The following GPR143 variants were observed in gnomAD, a reference collection of about 807,000 sequenced individuals.
GPR143 encodes G protein-coupled receptor 143.
Under a neutral mutation model 27.6 loss-of-function variants are expected in GPR143, and 8 were observed. That is an observed-to-expected ratio of 0.29 (90% confidence interval 0.17 to 0.52). The LOEUF (loss-of-function observed/expected upper bound fraction) is 0.52, where lower values mean the gene tolerates loss of function less well. GPR143 is among the 20% of genes least tolerant of loss of function. GPR143 has a pLI of 0.96. For missense variants in GPR143, 303 were observed against 343.1 expected (o/e 0.88, Z 0.92); for synonymous variants, 156 against 153.2 (o/e 1.02, Z -0.13).
chrX:9,769,635 G>A (rs759957374), upstream of GPR143, among the ~76,000 whole-genome samples: 4 of 111,803 alleles, frequency 3.6e-5, no homozygotes, highest in East Asian at 1.1e-3. Flanking sequence ...AGGCTGGAGT[G>A]CAGTGGTGCG....
intron 1 of GPR143, among the ~76,000 whole-genome samples, chrX:9,764,248 G>A (rs1185151868): frequency 1.8e-5 from 2 of 111,230 alleles, no homozygotes; most frequent in East Asian, 5.6e-4. Flanking sequence ...CTGTGATTGT[G>A]ACACTGCACT....
At chrX:9,734,871 G>A (rs961366192) in intron 8 of GPR143, among the ~76,000 whole-genome samples, 1 of 112,151 alleles carries the variant, frequency 8.9e-6, no homozygotes, top group Non-Finnish European at 1.9e-5. Flanking sequence ...AGGGAAACCG[G>A]GAGGTACCAA....
chrX:9,758,421 C>T (rs1014601471), intron 3 of GPR143, among the ~76,000 whole-genome samples: 1 of 111,413 alleles, frequency 9.0e-6, no homozygotes, highest in African/African-American at 3.3e-5. Flanking sequence ...TTAAACAACT[C>T]GCCAACAGTT....
upstream of GPR143, among the ~76,000 whole-genome samples, chrX:9,767,389 T>C (rs747365896): frequency 1.3e-4 from 14 of 110,261 alleles, no homozygotes; most frequent in Non-Finnish European, 2.3e-4. Context: ...GCAACCAAGG[T>C]GCAGGTGTCC....
At position 9,748,627 on chromosome X, in the gene GPR143, G is replaced by A; in HGVS notation, c.495C>T (p.Ala165=). Residue 165 remains alanine, a synonymous_variant, in exon 4 of 9, where the codon GCC becomes GCT. Coordinates refer to ENST00000467482, the MANE Select transcript of GPR143 (RefSeq NM_000273.3). Reference sequence around the variant, plus strand: ...CGGCTCCCTCCACACAGAGCAGGGTGGCCAGGCCCCACGCCATGATGTGAT... The same window carrying A: ...CGGCTCCCTCCACACAGAGCAGGGTAGCCAGGCCCCACGCCATGATGTGAT... ...LLYHIMAWGL[A]TLLCVEGAAM... is the part of the protein sequence containing the mutation. 3.3e-6 allele frequency: 4 copies of A among 1,208,891 alleles called. No homozygotes were observed. The highest frequency in any genetic ancestry group is 4.5e-6 in the Non-Finnish European group (4 of 892,679).
In GPR143 at chrX:9,763,090, CT is replaced by C. The variant is rs199987572; in HGVS notation, c.251-2265del. 7.6e-3 allele frequency among the ~76,000 whole-genome samples: 825 copies of C among 108,098 alleles called. 14 individuals are homozygous for C. The highest frequency in any genetic ancestry group is 0.026 in the African/African-American group (773 of 29,642). The allele number at this position is 108,098 out of a possible 115,157, so 93.9% of individuals were successfully genotyped here. A position where few individuals can be genotyped will look rare whatever the true frequency, so the allele number is the denominator to read the frequency against. On this transcript the variant is annotated intron_variant, in intron 1 of 8. Transcript: ENST00000467482. ...ACATGTGCATCCCACCATGACGGGC[CT>C]TTTTTTTGTTGTTTTTTTTTTCTTG...
chrX:9,748,786 C>T (rs1311102606), intron 3 of GPR143, 120 bp from the exon 4 acceptor site: 10 of 513,256 alleles, frequency 1.9e-5, no homozygotes, highest in Non-Finnish European at 2.8e-5. Flanking sequence ...GAAAGCCCCT[C>T]GGCAAAGAGT....
chrX:9,767,300 T>C (rs1601892815), upstream of GPR143, among the ~76,000 whole-genome samples: 7 of 110,692 alleles, frequency 6.3e-5, no homozygotes, highest in South Asian at 1.6e-3. Context: ...ACAAACCTCA[T>C]TGGCTCTTTG....
At chrX:9,740,641 A>G (rs1287258330) in intron 7 of GPR143, 1 of 289,541 alleles carries the variant, frequency 3.5e-6, no homozygotes, top group Non-Finnish European at 6.0e-6. Context: ...GTATAATTGT[A>G]TATATTTGAT....
At chrX:9,758,866 T>C (rs2083483874) in intron 3 of GPR143, among the ~76,000 whole-genome samples, 1 of 111,830 alleles carries the variant, frequency 8.9e-6, no homozygotes, top group Non-Finnish European at 1.9e-5. Context: ...CCAGCCTGGG[T>C]GTCAAAGCGA....
intron 8 of GPR143, among the ~76,000 whole-genome samples, chrX:9,729,543 C>A (rs1024939958): frequency 2.7e-5 from 3 of 112,117 alleles, no homozygotes; most frequent in African/African-American, 9.7e-5. Context: ...GTTCAGCCTG[C>A]CTGTGCTCAG....
chrX:9,740,714 A>C (rs2083399120), intron 7 of GPR143: 1 of 293,566 alleles, frequency 3.4e-6, no homozygotes, highest in African/African-American at 2.8e-5. Flanking sequence ...TAGTCCATCA[A>C]GATGAAAGAC....
intron 8 of GPR143, among the ~76,000 whole-genome samples, chrX:9,733,658 A>G (rs1261617187): frequency 1.8e-5 from 2 of 111,720 alleles, no homozygotes; most frequent in Non-Finnish European, 3.8e-5. Flanking sequence ...GGAAGAATGG[A>G]GAATTATGGG....
intron 6 of GPR143, 28 bp from the exon 7 acceptor site, chrX:9,741,483 A>T (rs371260212): frequency 2.8e-6 from 2 of 713,604 alleles, no homozygotes; most frequent in African/African-American, 4.2e-5. Context: ...GCAGCAGGTA[A>T]AGAGAACATG....
intron 8 of GPR143, among the ~76,000 whole-genome samples, chrX:9,733,897 T>C (rs1206295038): frequency 1.8e-5 from 2 of 110,383 alleles, no homozygotes; most frequent in African/African-American, 3.3e-5. Flanking sequence ...CTGGCCAACC[T>C]GGTGAAACTC....
chrX:9,769,529 C>A (rs2083546071), upstream of GPR143, among the ~76,000 whole-genome samples: 1 of 112,121 alleles, frequency 8.9e-6, no homozygotes, highest in Non-Finnish European at 1.9e-5. Context: ...CAGAAACAGC[C>A]TAAGTAAGGA....
chrX:9,728,401 A>AC (rs995002681), intron 8 of GPR143, among the ~76,000 whole-genome samples: 3 of 89,191 alleles, frequency 3.4e-5, no homozygotes, highest in African/African-American at 5.4e-5. Flanking sequence ...TTAAGGAACA[A>AC]AAAAAAAAAA....
rs2083414968 is a variant in GPR143 at position 9,743,657 on chromosome X, T to C, written c.675A>G (p.Lys225=). The change falls in exon 6 of 9, where the codon AAA becomes AAG. Residue 225 remains lysine (K), a synonymous_variant. Coordinates refer to ENST00000467482, the MANE Select transcript of GPR143 (RefSeq NM_000273.3). ...KTVTAVASLL[K]GRQGIYTENE... is the part of the protein sequence containing the mutation. The stretch of plus-strand genomic sequence containing the variant: ...TCTCCGTGTAAATGCCTTGTCTTCC[T>C]TTAAGTAAAGAGGCCACTGTGAAGA... 8.8e-7 allele frequency: 1 copy of C among 1,136,495 alleles called. No individual in the cohort carries two copies. Among genetic ancestry groups the C allele is most frequent in the Non-Finnish European group, 1.2e-6 (1 of 826,545 alleles). The allele number at this position is 1,136,495 out of a possible 1,213,427, so 93.7% of individuals were successfully genotyped here.
At chrX:9,763,450 C>T (rs1399694346) in intron 1 of GPR143, among the ~76,000 whole-genome samples, 1 of 111,517 alleles carries the variant, frequency 9.0e-6, no homozygotes, top group Non-Finnish European at 1.9e-5. Flanking sequence ...CACACTCCAA[C>T]CTGGGCAACA....
Sources: allele counts gnomAD v4.1 joint callset (sites outside exome capture counted in the v4.1 genomes callset), GRCh38; gene constraint gnomAD v4.1.1; transcripts MANE v1.5; gene names NCBI Gene and HGNC (gene_info 2026-07-23, HGNC 2026-07-21).